GRM7: variants seen among roughly 807,000 people sequenced by gnomAD.
The protein encoded by GRM7 is metabotropic glutamate receptor 7.
A neutral mutation model predicts 84.5 loss-of-function variants in GRM7; 35 were observed. That is an observed-to-expected ratio of 0.41 (90% CI 0.32 to 0.55). GRM7 has a LOEUF of 0.55. Ranked by LOEUF, GRM7 falls within the 20% of genes least tolerant of loss-of-function variation. The probability of loss-of-function intolerance (pLI) is 0.19; values close to 1 mark genes in which losing one functional copy is unlikely to be tolerated. For synonymous variants in GRM7, 487 were observed against 455.1 expected (o/e 1.07, Z -0.89); for missense variants, 1,003 against 1,194.6 (o/e 0.84, Z 2.36).
intron 4 of GRM7, among the ~76,000 whole-genome samples, chr3:7,372,157 G>A (rs1215267809): frequency 1.3e-5 from 2 of 152,096 alleles, no homozygotes; most frequent in African/African-American, 4.8e-5. Flanking sequence ...GTGGGAAGGA[G>A]CTCCTGCCAA....
intron 2 of GRM7, among the ~76,000 whole-genome samples, chr3:7,165,343 T>C (rs769416063): frequency 1.3e-5 from 2 of 152,330 alleles, no homozygotes; most frequent in East Asian, 1.9e-4. Flanking sequence ...GTGGGCTGTG[T>C]ATGATACAGG....
chr3:7,701,649 G>A (rs1701234075), intron 9 of GRM7, among the ~76,000 whole-genome samples: 1 of 152,090 alleles, frequency 6.6e-6, no homozygotes, highest in Admixed American at 6.6e-5. Context: ...AATTGAAGGA[G>A]GGTAATTAAA....
At chr3:7,476,075 G>A (rs887636500) in intron 7 of GRM7, among the ~76,000 whole-genome samples, 2 of 152,136 alleles carry the variant, frequency 1.3e-5, no homozygotes, top group African/African-American at 4.8e-5. Flanking sequence ...GGTCATATGG[G>A]GGTGTTACAA....
intron 8 of GRM7, among the ~76,000 whole-genome samples, chr3:7,640,862 G>A (rs1358628267): frequency 6.6e-6 from 1 of 152,130 alleles, no homozygotes; most frequent in African/African-American, 2.4e-5. Flanking sequence ...GCAATGTCAA[G>A]ACCTCTGACT....
At chr3:7,584,026 C>A (rs1695398173) in intron 8 of GRM7, among the ~76,000 whole-genome samples, 1 of 152,106 alleles carries the variant, frequency 6.6e-6, no homozygotes, top group Non-Finnish European at 1.5e-5. Flanking sequence ...GGAGAAGGAG[C>A]TTCCACTTAA....
At chr3:7,454,090 A>ACTCTCTCTCTCTCTCTCTCT (rs58338960) in intron 6 of GRM7, among the ~76,000 whole-genome samples, 2 of 140,120 alleles carry the variant, frequency 1.4e-5, no homozygotes, top group African/African-American at 5.6e-5. Context: ...CTACACACAC[A>ACTCTCTCTCTCTCTCTCTCT]CTCTCTCTCT....
At chr3:7,238,754 T>TTTTCC (rs112688228) in intron 2 of GRM7, among the ~76,000 whole-genome samples, 10 of 151,034 alleles carry the variant, frequency 6.6e-5, no homozygotes, top group Admixed American at 2.6e-4. Flanking sequence ...TTTTCTTTTC[T>TTTTCC]TTTCCTTTCC....
At position 7,134,679 on chromosome 3, in the gene GRM7, G is replaced by A. The variant is rs530315218; in HGVS notation, c.520-11773G>A. Among the ~76,000 whole-genome samples the A allele has an allele frequency of 7.9e-5, 12 of 152,174 alleles. No homozygotes were observed. The South Asian group carries it at 1.0e-3, about 13-fold the overall frequency. On this transcript the variant is annotated intron_variant, in intron 1 of 9. Coordinates refer to ENST00000357716, the MANE Select transcript of GRM7 (RefSeq NM_000844.4). Reference sequence around the variant, plus strand: ...AAGTACAGCCATGTCTCCCTAAACCGCAGGAATTCAGGGATGAGAAAAGGT... The same window carrying A: ...AAGTACAGCCATGTCTCCCTAAACCACAGGAATTCAGGGATGAGAAAAGGT...
At chr3:6,901,670 C>T (rs375656789) in intron 1 of GRM7, among the ~76,000 whole-genome samples, 1 of 126,806 alleles carries the variant, frequency 7.9e-6, no homozygotes, top group African/African-American at 2.9e-5. Flanking sequence ...GAAATCTTTT[C>T]ATTTTTTTCT....
intron 1 of GRM7, among the ~76,000 whole-genome samples, chr3:6,931,744 G>A (rs6783039): frequency 0.034 from 5,158 of 152,296 alleles, 292 homozygotes; most frequent in African/African-American, 0.12. Context: ...TGCACCAAAT[G>A]CTAAACTCAG....
rs1441432243 is a variant in GRM7, at chr3:7,271,451, C to CGGG, written c.737-27232_737-27230dup. ...GCGGGCGCCTGTAGTCCCAGCTACT[C>CGGG]GGGAGGCTGAGGCAGGAGAATGGCG... On this transcript the variant is annotated intron_variant, in intron 2 of 9. Transcript: ENST00000357716. 2.5e-4 allele frequency among the ~76,000 whole-genome samples: 37 copies of CGGG among 150,220 alleles called. No individual in the cohort carries two copies. The South Asian group carries it at 7.2e-3, about 29-fold the overall frequency.
intron 2 of GRM7, among the ~76,000 whole-genome samples, chr3:7,234,704 G>C (rs775000116): frequency 6.6e-6 from 1 of 151,994 alleles, no homozygotes; most frequent in Non-Finnish European, 1.5e-5. Flanking sequence ...TTTATGTTTC[G>C]AGAGAGTGAT....
In GRM7 at chr3:6,862,809, T is replaced by A; in HGVS notation, c.519+902T>A. ...GGAGGACGATTCCCGGAGCGAGGCA[T>A]GAAGGCGCCCGTTGGGAGGCAGAGG... On this transcript the variant is annotated intron_variant, in intron 1 of 9. Transcript: ENST00000357716. The surrounding 1 kb of genome is among the most constrained non-coding windows in gnomAD (Gnocchi z 5.2). The A allele has an allele frequency of 3.3e-6, 1 of 306,628 alleles. No homozygotes were observed. The highest frequency in any genetic ancestry group is 2.4e-5 in the South Asian group (1 of 42,318). The allele number at this position is 306,628 out of a possible 1,614,324, so 19.0% of individuals were successfully genotyped here. A position where few individuals can be genotyped will look rare whatever the true frequency, so the allele number is the denominator to read the frequency against.
rs1389692815 is a variant in GRM7 at position 6,862,603 on chromosome 3, A to G, written c.519+696A>G. 3.5e-5 allele frequency: 7 copies of G among 197,598 alleles called. No homozygotes were observed. The highest frequency in any genetic ancestry group is 2.4e-5 in the African/African-American group (1 of 41,950). 12.2% of individuals were successfully genotyped at this position (197,598 alleles called of 1,614,324 possible). A position where few individuals can be genotyped will look rare whatever the true frequency, so the allele number is the denominator to read the frequency against. Reference sequence around the variant, plus strand: ...CAATATTTTGCACCGTCTAAATTACATGTGCGATCCGGCCACTGGCCGGAG... The same window carrying G: ...CAATATTTTGCACCGTCTAAATTACGTGTGCGATCCGGCCACTGGCCGGAG... On this transcript the variant is annotated intron_variant, in intron 1 of 9. Coordinates refer to ENST00000357716, the MANE Select transcript of GRM7 (RefSeq NM_000844.4). The surrounding 1 kb of genome is among the most constrained non-coding windows in gnomAD (Gnocchi z 5.2).
At chr3:6,955,818 G>T (rs1442276148) in intron 1 of GRM7, among the ~76,000 whole-genome samples, 1 of 145,802 alleles carries the variant, frequency 6.9e-6, no homozygotes, top group Admixed American at 6.9e-5. Context: ...CTCCAGATTG[G>T]ACGACACAGT....
At chr3:7,411,239 T>A in intron 4 of GRM7, among the ~76,000 whole-genome samples, 1 of 152,198 alleles carries the variant, frequency 6.6e-6, no homozygotes, top group African/African-American at 2.4e-5. Flanking sequence ...ATTAATATAT[T>A]TTCCAAATAA....
At chr3:7,339,329 C>G (rs1222090440) in intron 4 of GRM7, among the ~76,000 whole-genome samples, 2 of 152,102 alleles carry the variant, frequency 1.3e-5, no homozygotes, top group Non-Finnish European at 2.9e-5. Flanking sequence ...GTTTGCCCCT[C>G]TTTTTCTTTC....
At chr3:7,489,316 A>G (rs1699438050) in intron 7 of GRM7, among the ~76,000 whole-genome samples, 1 of 152,132 alleles carries the variant, frequency 6.6e-6, no homozygotes, top group Non-Finnish European at 1.5e-5. Flanking sequence ...CTCCACTGAT[A>G]TCACCATATG....
intron 1 of GRM7, among the ~76,000 whole-genome samples, chr3:7,077,514 T>G (rs928597728): frequency 6.9e-6 from 1 of 144,980 alleles, no homozygotes; most frequent in African/African-American, 2.6e-5. Context: ...TAAGTGGGAG[T>G]TGAACAATGA....
Sources: gnomAD v4.1 joint callset for allele counts (sites outside exome capture counted in the v4.1 genomes callset) on GRCh38, gnomAD v4.1.1 for gene constraint, Gnocchi (gnomAD v3.1) non-coding constraint, MANE v1.5 for transcripts, NCBI Gene and HGNC (gene_info 2026-07-23, HGNC 2026-07-21) for gene names.